THSD4: variants seen among roughly 807,000 people sequenced by gnomAD.
THSD4 encodes the protein thrombospondin type 1 domain containing 4.
THSD4 carries 69 observed loss-of-function variants against 119.0 expected under a neutral mutation model. That is an observed-to-expected ratio of 0.58 (90% CI 0.48 to 0.71). THSD4 has a LOEUF of 0.71. Among genes scored for constraint, THSD4 ranks in the 30% least tolerant of loss-of-function variants. The probability of loss-of-function intolerance (pLI) is 0.00; values close to 1 mark genes in which losing one functional copy is unlikely to be tolerated. For synonymous variants in THSD4, 524 were observed against 540.4 expected (o/e 0.97, Z 0.42); for missense variants, 1,393 against 1,391.1 (o/e 1.00, Z -0.02).
intron 3 of THSD4, among the ~76,000 whole-genome samples, chr15:71,197,475 C>G (rs2043730497): frequency 6.6e-6 from 1 of 152,112 alleles, no homozygotes; most frequent in Non-Finnish European, 1.5e-5. Context: ...GTTTTGAAGC[C>G]CAGATGTTCC....
At chr15:71,574,501 A>T (rs1322178738) in intron 7 of THSD4, among the ~76,000 whole-genome samples, 1 of 152,208 alleles carries the variant, frequency 6.6e-6, no homozygotes, top group Non-Finnish European at 1.5e-5. Flanking sequence ...AAAAGGATCC[A>T]TCCTCACCTG....
chr15:71,704,230 A>G (rs948588700), intron 8 of THSD4, among the ~76,000 whole-genome samples: 4 of 152,264 alleles, frequency 2.6e-5, no homozygotes, highest in African/African-American at 4.8e-5. Context: ...GCACCCTAAC[A>G]TGAAGATTGC....
At chr15:71,503,229 G>A (rs116612792) in intron 7 of THSD4, among the ~76,000 whole-genome samples, 3,278 of 152,270 alleles carry the variant, frequency 0.022, 116 homozygotes, top group African/African-American at 0.075. Context: ...AAGACATTGG[G>A]AATGATCCTG....
chr15:71,251,890 G>A (rs1183334950), intron 5 of THSD4, among the ~76,000 whole-genome samples: 3 of 152,262 alleles, frequency 2.0e-5, no homozygotes, highest in African/African-American at 4.8e-5. Flanking sequence ...GCAACCCCAG[G>A]CAATTGTCTA....
chr15:71,372,973 A>G (rs1308899718), intron 6 of THSD4, among the ~76,000 whole-genome samples: 2 of 152,222 alleles, frequency 1.3e-5, no homozygotes, highest in Non-Finnish European at 2.9e-5. Flanking sequence ...AGCCTCAGCA[A>G]TGGCGGGCGC....
chr15:71,581,802 G>T (rs1001128879), intron 7 of THSD4, among the ~76,000 whole-genome samples: 1 of 152,118 alleles, frequency 6.6e-6, no homozygotes, highest in East Asian at 1.9e-4. Context: ...TTGGCACCCT[G>T]GTTGAAGATC....
At chr15:71,602,568 A>AATG (rs1372586652) in intron 7 of THSD4, among the ~76,000 whole-genome samples, 1 of 150,250 alleles carries the variant, frequency 6.7e-6, no homozygotes, top group Non-Finnish European at 1.5e-5. Flanking sequence ...AAAAAAAAAA[A>AATG]AAAAAAAAAA....
At chr15:71,394,416 G>A (rs1448913444) in intron 6 of THSD4, among the ~76,000 whole-genome samples, 2 of 152,032 alleles carry the variant, frequency 1.3e-5, no homozygotes, top group Non-Finnish European at 2.9e-5. Flanking sequence ...GGGACTACAG[G>A]CAAGTGCCAC....
chr15:71,651,963 T>C (rs1006712839), intron 7 of THSD4, among the ~76,000 whole-genome samples: 1 of 152,232 alleles, frequency 6.6e-6, no homozygotes, highest in Non-Finnish European at 1.5e-5. Context: ...CATCATTGCC[T>C]TCTGGCCATG....
intron 7 of THSD4, among the ~76,000 whole-genome samples, chr15:71,445,251 C>A (rs1034703853): frequency 4.6e-5 from 7 of 152,200 alleles, no homozygotes; most frequent in African/African-American, 1.7e-4. Context: ...TTTTAAGACA[C>A]CCATCATTCT....
rs147566611 is a variant in THSD4, at chr15:71,616,705, C to G, written c.1153-43825C>G. ...GAATTGCACCCAGACGCAAAGAGCT[C>G]TCTTCACTGGAAATGTTCTAGCAAT... On this transcript the variant is annotated intron_variant, in intron 7 of 17. Transcript: ENST00000261862. Among the ~76,000 whole-genome samples the G allele has an allele frequency of 5.3e-5, 8 of 152,304 alleles. No individual in the cohort carries two copies. The East Asian group carries it at 9.6e-4, about 18-fold the overall frequency.
chr15:71,439,675 A>G (rs915365148), intron 7 of THSD4, among the ~76,000 whole-genome samples: 2 of 152,236 alleles, frequency 1.3e-5, no homozygotes, highest in Admixed American at 6.5e-5. Context: ...ATGGAATACT[A>G]TGCAGCTGTA....
At chr15:71,574,220 A>G (rs1165027322) in intron 7 of THSD4, among the ~76,000 whole-genome samples, 2 of 152,166 alleles carry the variant, frequency 1.3e-5, no homozygotes, top group Admixed American at 6.5e-5. Flanking sequence ...TCATGTATGC[A>G]TTCAACATTT....
intron 7 of THSD4, among the ~76,000 whole-genome samples, chr15:71,525,654 T>C (rs1226038356): frequency 6.6e-6 from 1 of 152,248 alleles, no homozygotes; most frequent in Admixed American, 6.5e-5. Flanking sequence ...TTATGGTCCA[T>C]GGACAGAACA....
At chr15:71,619,839 A>G (rs111948287) in intron 7 of THSD4, among the ~76,000 whole-genome samples, 2,407 of 152,254 alleles carry the variant, frequency 0.016, 70 homozygotes, top group African/African-American at 0.055. Flanking sequence ...AACTAATTCA[A>G]CTGATACCTG....
intron 7 of THSD4, among the ~76,000 whole-genome samples, chr15:71,584,364 G>A (rs192551443): frequency 7.2e-6 from 1 of 138,656 alleles, no homozygotes; most frequent in Non-Finnish European, 1.5e-5. Context: ...ACTTGAATCA[G>A]TTCAAGTGAT....
At chr15:71,766,045 T>C (rs2053712151) in intron 16 of THSD4, among the ~76,000 whole-genome samples, 1 of 152,188 alleles carries the variant, frequency 6.6e-6, no homozygotes, top group Admixed American at 6.5e-5. Flanking sequence ...TTTAAAATCT[T>C]GTGGCCCTCT....
intron 6 of THSD4, among the ~76,000 whole-genome samples, chr15:71,296,829 A>G (rs1178508294): frequency 6.6e-6 from 1 of 152,186 alleles, no homozygotes; most frequent in Non-Finnish European, 1.5e-5. Flanking sequence ...CGACCCTGCC[A>G]TTTATTAGCT....
In THSD4 at chr15:71,215,069, A is replaced by C; in HGVS notation, c.134A>C (p.Glu45Ala). 1 of 1,299,204 alleles carries C rather than the reference A, an allele frequency of 7.7e-7. No individual in the cohort carries two copies. The highest frequency in any genetic ancestry group is 9.8e-7 in the Non-Finnish European group (1 of 1,021,350). The allele number at this position is 1,299,204 out of a possible 1,614,324, so 80.5% of individuals were successfully genotyped here. A position where few individuals can be genotyped will look rare whatever the true frequency, so the allele number is the denominator to read the frequency against. ...CGGATGGCGGCGGAGGGCGCCCCCG[A>C]GGACGACGGCGGCGGCGGCGCCCCG... ...PQRMAAEGAP[E>A]DDGGGGAPGV... is the part of the protein sequence containing the mutation. Residue 45 changes from glutamate (E) to alanine (A), a missense_variant, in exon 4 of 18, where the codon GAG becomes GCG. Physicochemically the swap from Glu to Ala is moderately radical, Grantham distance 107. Transcript: ENST00000261862.
Sources: gnomAD v4.1 joint callset for allele counts (sites outside exome capture counted in the v4.1 genomes callset) on GRCh38, gnomAD v4.1.1 for gene constraint, MANE v1.5 for transcripts, NCBI Gene and HGNC (gene_info 2026-07-23, HGNC 2026-07-21) for gene names.